The following MYO5B variants were observed in gnomAD, a reference collection of about 807,000 sequenced individuals.
The protein encoded by MYO5B is unconventional myosin-Vb.
A neutral mutation model predicts 229.3 loss-of-function variants in MYO5B; 143 were observed. The ratio of observed to expected loss-of-function variants is 0.62; its 90% confidence interval spans 0.54 to 0.72. The LOEUF (loss-of-function observed/expected upper bound fraction) is 0.72, where lower values mean the gene tolerates loss of function less well. Among genes scored for constraint, MYO5B ranks in the 30% least tolerant of loss-of-function variants. MYO5B has a pLI of 0.00. For synonymous variants in MYO5B, 918 were observed against 885.2 expected (o/e 1.04, Z -0.66); for missense variants, 2,321 against 2,331.0 (o/e 1.00, Z 0.09).
intron 1 of MYO5B, among the ~76,000 whole-genome samples, chr18:50,088,952 A>C (rs1400231407): frequency 6.6e-6 from 1 of 152,174 alleles, no homozygotes; most frequent in Admixed American, 6.6e-5. Flanking sequence ...AGACTTGTGA[A>C]TATCATCTAA....
chr18:50,183,810 C>T (rs1192237343), intron 1 of MYO5B, among the ~76,000 whole-genome samples: 1 of 152,080 alleles, frequency 6.6e-6, no homozygotes, highest in Admixed American at 6.5e-5. Context: ...TGGTATGGTG[C>T]TGTTCTCATG....
At chr18:50,006,710 C>A (rs1180578719) in intron 4 of MYO5B, among the ~76,000 whole-genome samples, 2 of 152,186 alleles carry the variant, frequency 1.3e-5, no homozygotes, top group Non-Finnish European at 2.9e-5. Flanking sequence ...CAAGATCAAG[C>A]CCTTCCTCCT....
intron 1 of MYO5B, among the ~76,000 whole-genome samples, chr18:50,114,484 G>A (rs146992993): frequency 5.3e-4 from 80 of 152,264 alleles, no homozygotes; most frequent in African/African-American, 1.5e-3. Context: ...GGTACAGCCC[G>A]GCTTCCCAGG....
intron 1 of MYO5B, among the ~76,000 whole-genome samples, chr18:50,153,241 G>GA (rs2032627306): frequency 1.3e-5 from 2 of 152,100 alleles, no homozygotes; most frequent in African/African-American, 4.8e-5. Context: ...TTCAAAGATT[G>GA]AAAATAAGGA....
At chr18:50,122,189 A>G (rs928740011) in intron 1 of MYO5B, among the ~76,000 whole-genome samples, 8 of 152,124 alleles carry the variant, frequency 5.3e-5, no homozygotes, top group Admixed American at 4.6e-4. Context: ...GCTCAATGAC[A>G]ATTTTCGCCA....
At chr18:50,077,486 C>T (rs1464556653) in intron 1 of MYO5B, among the ~76,000 whole-genome samples, 1 of 120,242 alleles carries the variant, frequency 8.3e-6, no homozygotes, top group Admixed American at 8.1e-5. Flanking sequence ...CAAGGCAAAA[C>T]ACACACACAC....
chr18:50,125,408 T>C (rs931264098), intron 1 of MYO5B, among the ~76,000 whole-genome samples: 8 of 150,748 alleles, frequency 5.3e-5, no homozygotes, highest in African/African-American at 1.9e-4. Context: ...CATTAGGAGA[T>C]ATACCTAATG....
At chr18:49,895,886 C>A (rs2024773658) in intron 21 of MYO5B, among the ~76,000 whole-genome samples, 1 of 152,178 alleles carries the variant, frequency 6.6e-6, no homozygotes, top group Non-Finnish European at 1.5e-5. Flanking sequence ...AGTGCTACTG[C>A]AAATTATGGG....
At position 49,923,054 on chromosome 18, in the gene MYO5B, A is replaced by T. The variant is rs529388188; in HGVS notation, c.2090+6458T>A. Among the ~76,000 whole-genome samples, 27 of 152,336 alleles carry T rather than the reference A, an allele frequency of 1.8e-4. No homozygotes were observed. The East Asian group carries it at 5.0e-3, about 28-fold the overall frequency. On this transcript the variant is annotated intron_variant, in intron 17 of 39. Transcript: ENST00000285039. ...GCAAAATCACACCTGGTCTCTCAGC[A>T]TGCTACAACTAGGGGAGTAAGCAGT...
chr18:49,853,586 T>G lies in MYO5B; in HGVS notation c.4084A>C (p.Lys1362Gln). The G allele has an allele frequency of 6.2e-7, 1 of 1,614,130 alleles. No homozygotes were observed. Among genetic ancestry groups the G allele is most frequent in the Non-Finnish European group, 8.5e-7 (1 of 1,180,026 alleles). ...LEHEEEVEHL[K>Q]AQLEALKEEM... ...TCCTTCAGGGCCTCGAGCTGAGCCTTGAGATGCTCCACCTCCTCCTCATGC... is the reference window on the plus strand; with the variant it reads ...TCCTTCAGGGCCTCGAGCTGAGCCTGGAGATGCTCCACCTCCTCCTCATGC... The change falls in exon 31 of 40, where the codon AAG becomes CAG. Residue 1362 changes from lysine (K) to glutamine (Q), a missense_variant. Physicochemically the swap from Lys to Gln is moderately conservative, Grantham distance 53. This residue lies in a region of MYO5B where 2,113 missense variants were observed against 2,044.7 expected (regional missense o/e 1.03). Transcript: ENST00000285039.
chr18:49,910,109 G>C (rs2024941070), intron 18 of MYO5B, among the ~76,000 whole-genome samples: 1 of 152,200 alleles, frequency 6.6e-6, no homozygotes, highest in Admixed American at 6.5e-5. Flanking sequence ...GCACTGAGAA[G>C]CAGGCAGGCT....
At chr18:50,016,657 C>A (rs376829797) in intron 4 of MYO5B, among the ~76,000 whole-genome samples, 1 of 152,160 alleles carries the variant, frequency 6.6e-6, no homozygotes, top group Non-Finnish European at 1.5e-5. Flanking sequence ...ATGGTGACAT[C>A]TGAGATGTAA....
At chr18:50,133,119 A>G (rs1281650948) in intron 1 of MYO5B, among the ~76,000 whole-genome samples, 2 of 152,216 alleles carry the variant, frequency 1.3e-5, no homozygotes, top group East Asian at 1.9e-4. Flanking sequence ...CTTCCTGGAA[A>G]AGCAAAAATA....
At chr18:49,879,433 C>A (rs16951172) in intron 23 of MYO5B, 4,660 of 380,788 alleles carry the variant, frequency 0.012, 188 homozygotes, top group African/African-American at 0.089. Context: ...GCTTATTCCA[C>A]ACTCCTTTCC....
intron 9 of MYO5B, among the ~76,000 whole-genome samples, chr18:49,978,823 G>A (rs1008773148): frequency 3.9e-5 from 6 of 151,962 alleles, no homozygotes; most frequent in Admixed American, 2.0e-4. Flanking sequence ...GGAGGAGCAG[G>A]GTGTTGGGCG....
intron 33 of MYO5B, among the ~76,000 whole-genome samples, chr18:49,846,384 T>C (rs969516160): frequency 5.9e-5 from 9 of 152,176 alleles, no homozygotes; most frequent in Non-Finnish European, 1.3e-4. Context: ...CCAGGGACCA[T>C]GTATGAGCAA....
chr18:49,843,363 C>T lies in MYO5B; in HGVS notation c.4489G>A (p.Val1497Met), dbSNP rs150584932. ...AGGATGTAGGCGGGGAGACAGGGCA[C>T]TGTGCCCGACAGCATCTGGGGCTTC... ...DLKPQMLSGT[V>M]PCLPAYILYM... Residue 1497 changes from valine (V) to methionine (M), a missense_variant, in exon 34 of 40, where the codon GTG (valine) becomes ATG (methionine). Physicochemically the swap from Val to Met is conservative, Grantham distance 21. Transcript: ENST00000285039. 1.1e-5 allele frequency: 18 copies of T among 1,614,178 alleles called. No homozygotes were observed. The African/African-American group carries it at 2.0e-4, about 18-fold the overall frequency.
chr18:50,068,527 G>A (rs1269301327), intron 1 of MYO5B, among the ~76,000 whole-genome samples: 1 of 152,194 alleles, frequency 6.6e-6, no homozygotes, highest in Non-Finnish European at 1.5e-5. Context: ...AGTGATCCAA[G>A]CAGTCCCACC....
chr18:50,078,136 T>C (rs926761561), intron 1 of MYO5B, among the ~76,000 whole-genome samples: 9 of 152,184 alleles, frequency 5.9e-5, no homozygotes, highest in Admixed American at 4.6e-4. Flanking sequence ...ATAAAGCCTA[T>C]AGCAGAGTTC....
Sources: allele counts gnomAD v4.1 joint callset (sites outside exome capture counted in the v4.1 genomes callset), GRCh38; gene constraint gnomAD v4.1.1; regional missense constraint gnomAD v4.1.1; transcripts MANE v1.5; gene names NCBI Gene and HGNC (gene_info 2026-07-23, HGNC 2026-07-21).